Variants in CLSTN2 observed in about 807,000 individuals in gnomAD.
CLSTN2 encodes the protein calsyntenin 2.
Under a neutral mutation model 101.2 loss-of-function variants are expected in CLSTN2, and 48 were observed. The ratio of observed to expected loss-of-function variants is 0.47; its 90% CI spans 0.38 to 0.60. The LOEUF (loss-of-function observed/expected upper bound fraction) is 0.60. Among genes scored for constraint, CLSTN2 ranks in the 20% least tolerant of loss-of-function variants. CLSTN2 has a pLI of 0.00. For synonymous variants in CLSTN2, 481 were observed against 463.6 expected (o/e 1.04, Z -0.48); for missense variants, 1,160 against 1,238.2 (o/e 0.94, Z 0.95).
intron 2 of CLSTN2, among the ~76,000 whole-genome samples, chr3:140,311,806 CA>C (rs923506927): frequency 2.0e-5 from 3 of 152,150 alleles, no homozygotes; most frequent in Non-Finnish European, 2.9e-5. Context: ...GATTTCTACA[CA>C]GGCACTCAAC....
At chr3:140,325,947 C>G (rs1364728500) in intron 2 of CLSTN2, among the ~76,000 whole-genome samples, 1 of 152,164 alleles carries the variant, frequency 6.6e-6, no homozygotes, top group Non-Finnish European at 1.5e-5. Context: ...TAAAAATGGC[C>G]TTACTATCTA....
chr3:140,421,292 G>C lies in CLSTN2; in HGVS notation c.787+18G>C. The C allele has an allele frequency of 6.2e-7, 1 of 1,613,828 alleles. No homozygotes were observed. Among genetic ancestry groups the C allele is most frequent in the Non-Finnish European group, 8.5e-7 (1 of 1,179,924 alleles). On this transcript the variant is annotated intron_variant, in intron 5 of 16. Transcript: ENST00000458420. ...CTGGCAAGGTGGGCCTGTTTTATCAGTCTTGTGTGAAGGCAGCATGGTCTG... is the reference window on the plus strand; with the variant it reads ...CTGGCAAGGTGGGCCTGTTTTATCACTCTTGTGTGAAGGCAGCATGGTCTG...
At chr3:139,982,209 A>G (rs760104993) in intron 1 of CLSTN2, among the ~76,000 whole-genome samples, 3 of 151,946 alleles carry the variant, frequency 2.0e-5, no homozygotes. Context: ...GAATTTTTAT[A>G]TTTTCAGGTA....
At chr3:139,968,614 G>T (rs191561260) in intron 1 of CLSTN2, among the ~76,000 whole-genome samples, 3 of 152,210 alleles carry the variant, frequency 2.0e-5, no homozygotes, top group Admixed American at 2.0e-4. Flanking sequence ...AGTCTCCACA[G>T]ATATGAGAAA....
chr3:140,225,538 C>T (rs937447922), intron 2 of CLSTN2, among the ~76,000 whole-genome samples: 6 of 152,064 alleles, frequency 3.9e-5, no homozygotes, highest in Non-Finnish European at 8.8e-5. Flanking sequence ...GCTCTTGTCG[C>T]CCAGGCTGGA....
At chr3:140,529,327 T>C (rs1935208094) in intron 8 of CLSTN2, among the ~76,000 whole-genome samples, 1 of 152,240 alleles carries the variant, frequency 6.6e-6, no homozygotes, top group Admixed American at 6.5e-5. Flanking sequence ...GAGATTCATG[T>C]GTCTTTGGAC....
chr3:140,421,495 A>G (rs1402535398), intron 5 of CLSTN2, among the ~76,000 whole-genome samples: 1 of 152,214 alleles, frequency 6.6e-6, no homozygotes, highest in Non-Finnish European at 1.5e-5. Flanking sequence ...TCATGTGCCC[A>G]GTTTGTCCAG....
chr3:140,536,608 T>C (rs141827236), intron 9 of CLSTN2, among the ~76,000 whole-genome samples: 43 of 152,272 alleles, frequency 2.8e-4, no homozygotes, highest in African/African-American at 1.0e-3. Context: ...GAGATGGAGA[T>C]AGGAACCTTA....
At chr3:140,472,302 T>C (rs1489459563) in intron 8 of CLSTN2, among the ~76,000 whole-genome samples, 1 of 152,178 alleles carries the variant, frequency 6.6e-6, no homozygotes, top group Non-Finnish European at 1.5e-5. Flanking sequence ...TTGCATAGAA[T>C]TCTAAAGCTC....
intron 7 of CLSTN2, chr3:140,461,461 T>C (rs1358369108): frequency 6.6e-6 from 1 of 152,026 alleles, no homozygotes; most frequent in Non-Finnish European, 1.5e-5. Context: ...CTATATCGAG[T>C]CCCCAGGGAG....
At chr3:140,055,317 G>A (rs2008077641) in intron 1 of CLSTN2, among the ~76,000 whole-genome samples, 1 of 152,178 alleles carries the variant, frequency 6.6e-6, no homozygotes. Flanking sequence ...CTGATTTTGA[G>A]CCACCACCAC....
chr3:140,198,093 A>G (rs1306912927), intron 2 of CLSTN2, among the ~76,000 whole-genome samples: 2 of 152,246 alleles, frequency 1.3e-5, no homozygotes, highest in Admixed American at 6.5e-5. Context: ...CAATAAATAC[A>G]TATAGACACT....
intron 1 of CLSTN2, among the ~76,000 whole-genome samples, chr3:139,944,860 G>A (rs140282756): frequency 1.3e-5 from 2 of 152,262 alleles, no homozygotes; most frequent in East Asian, 1.9e-4. Context: ...CATTTGCTCC[G>A]TAGTGGTTTA....
At chr3:140,450,011 G>A (rs1373380936) in intron 6 of CLSTN2, 1 of 152,346 alleles carries the variant, frequency 6.6e-6, no homozygotes, top group Admixed American at 6.5e-5. Flanking sequence ...AGGCAGGCCA[G>A]GAGTTAGGAA....
At chr3:140,170,784 T>TAGCACAGGACATATGAATA (rs2010199006) in intron 1 of CLSTN2, among the ~76,000 whole-genome samples, 1 of 152,208 alleles carries the variant, frequency 6.6e-6, no homozygotes, top group African/African-American at 2.4e-5. Context: ...GCTGTGTGTC[T>TAGCACAGGACATATGAATA]AGCACAGGAC....
intron 2 of CLSTN2, among the ~76,000 whole-genome samples, chr3:140,202,395 T>C (rs2010728988): frequency 6.6e-6 from 1 of 152,062 alleles, no homozygotes; most frequent in South Asian, 2.1e-4. Flanking sequence ...CTATCTGAGG[T>C]GTGAGAGAAA....
At chr3:140,518,361 C>A (rs1333150524) in intron 8 of CLSTN2, among the ~76,000 whole-genome samples, 1 of 152,210 alleles carries the variant, frequency 6.6e-6, no homozygotes, top group Non-Finnish European at 1.5e-5. Flanking sequence ...CAAAGTTCAG[C>A]TGGAAATTTC....
intron 2 of CLSTN2, among the ~76,000 whole-genome samples, chr3:140,391,482 G>A (rs555690154): frequency 1.3e-5 from 2 of 152,172 alleles, no homozygotes; most frequent in South Asian, 4.1e-4. Flanking sequence ...CACTTTGCTT[G>A]CTCTCTATCC....
intron 2 of CLSTN2, among the ~76,000 whole-genome samples, chr3:140,287,472 T>C (rs981885446): frequency 6.6e-6 from 1 of 152,182 alleles, no homozygotes; most frequent in Non-Finnish European, 1.5e-5. Flanking sequence ...TCACTGTATA[T>C]ACACTTGCCA....
Sources: allele counts gnomAD v4.1 joint callset (sites outside exome capture counted in the v4.1 genomes callset), GRCh38; gene constraint gnomAD v4.1.1; transcripts MANE v1.5; gene names NCBI Gene and HGNC (gene_info 2026-07-23, HGNC 2026-07-21).